Variants in PCBP3 observed in about 807,000 individuals in gnomAD.
PCBP3 encodes the protein poly(rC)-binding protein 3.
PCBP3 carries 25 observed loss-of-function variants against 52.7 expected under a neutral mutation model. The ratio of observed to expected loss-of-function variants is 0.47; its 90% CI spans 0.35 to 0.66. The LOEUF (loss-of-function observed/expected upper bound fraction) is 0.66. Ranked by LOEUF, PCBP3 falls within the 30% of genes least tolerant of loss-of-function variation. PCBP3 has a pLI of 0.01. For synonymous variants in PCBP3, 162 were observed against 183.0 expected, an observed-to-expected ratio of 0.89 and a Z score of 0.93; for missense variants, 391 against 490.3, an observed-to-expected ratio of 0.80 and a Z score of 1.91.
chr21:45,826,070 C>A (rs947201759), intron 4 of PCBP3, among the ~76,000 whole-genome samples: 1 of 152,040 alleles, frequency 6.6e-6, no homozygotes, highest in African/African-American at 2.4e-5. Flanking sequence ...ACCAGCATGG[C>A]CAACATGGAG....
At chr21:45,674,057 A>G (rs980462204) in intron 2 of PCBP3, among the ~76,000 whole-genome samples, 7 of 152,180 alleles carry the variant, frequency 4.6e-5, no homozygotes, top group African/African-American at 1.7e-4. Context: ...GGAATTTTGA[A>G]GATAATGAGA....
At chr21:45,923,838 G>T (rs1213488743) in intron 13 of PCBP3, among the ~76,000 whole-genome samples, 2 of 146,328 alleles carry the variant, frequency 1.4e-5, no homozygotes, top group Non-Finnish European at 3.0e-5. Flanking sequence ...TGCGAACACC[G>T]GGAACAGTCG....
chr21:45,717,868 T>C (rs2084332999), intron 2 of PCBP3, among the ~76,000 whole-genome samples: 1 of 152,222 alleles, frequency 6.6e-6, no homozygotes, highest in African/African-American at 2.4e-5. Context: ...AGTATCCTTT[T>C]CTTGTCTGTA....
intron 17 of PCBP3, 47 bp downstream of exon 17, chr21:45,940,246 G>T: frequency 6.5e-7 from 1 of 1,542,866 alleles, no homozygotes; most frequent in Non-Finnish European, 8.8e-7. Context: ...AAAGGGACGC[G>T]CCAGCCGGCG....
At chr21:45,662,880 C>G (rs778745498) in intron 1 of PCBP3, among the ~76,000 whole-genome samples, 6 of 152,008 alleles carry the variant, frequency 3.9e-5, no homozygotes, top group African/African-American at 1.4e-4. Context: ...GAAAAGCACC[C>G]GCTACTTAGC....
intron 13 of PCBP3, among the ~76,000 whole-genome samples, chr21:45,925,434 C>G (rs1439323177): frequency 1.3e-5 from 2 of 152,164 alleles, no homozygotes; most frequent in Non-Finnish European, 2.9e-5. Flanking sequence ...AATTAGAAAA[C>G]AAGTGTCAAA....
At chr21:45,685,782 G>T (rs1463117762) in intron 2 of PCBP3, among the ~76,000 whole-genome samples, 4 of 152,052 alleles carry the variant, frequency 2.6e-5, no homozygotes, top group Admixed American at 2.6e-4. Flanking sequence ...AGTAAAATCA[G>T]CCCCAAAAAT....
rs2095150204 is a variant in PCBP3, at chr21:45,874,090, A to G, written c.11-22118A>G. Among the ~76,000 whole-genome samples, 3 of 152,210 alleles carry G rather than the reference A, an allele frequency of 2.0e-5. No homozygotes were observed. In the South Asian group the frequency reaches 6.2e-4, roughly 32 times the overall value. ...TGATCCACCCGCCTCAGCCTCCCTA[A>G]GTGCTGGGATCACAGGCGTGAGCCA... On this transcript the variant is annotated intron_variant, in intron 5 of 17. Coordinates refer to ENST00000681687, the MANE Select transcript of PCBP3 (RefSeq NM_001384156.1).
intron 2 of PCBP3, among the ~76,000 whole-genome samples, chr21:45,693,691 C>G (rs1693238527): frequency 6.6e-6 from 1 of 152,070 alleles, no homozygotes; most frequent in South Asian, 2.1e-4. Flanking sequence ...ATTCTATACT[C>G]AGTGAAAATA....
At chr21:45,916,368 G>A (rs933969320) in intron 12 of PCBP3, 1 of 152,242 alleles carries the variant, frequency 6.6e-6, no homozygotes, top group Non-Finnish European at 1.5e-5. Flanking sequence ...TGAGGTCCTT[G>A]GTTCCTGCTC....
intron 13 of PCBP3, among the ~76,000 whole-genome samples, chr21:45,919,967 G>A (rs2074200286): frequency 6.6e-6 from 1 of 152,188 alleles, no homozygotes; most frequent in Admixed American, 6.5e-5. Flanking sequence ...GCGACTTTCT[G>A]GGGTGGCCCA....
chr21:45,660,036 C>CG (rs1280283531), intron 1 of PCBP3, among the ~76,000 whole-genome samples: 3 of 151,966 alleles, frequency 2.0e-5, no homozygotes, highest in Non-Finnish European at 1.5e-5. Flanking sequence ...GTATTGAAAA[C>CG]GGACTTTTGA....
chr21:45,753,158 A>G (rs904037639), intron 3 of PCBP3, among the ~76,000 whole-genome samples: 3 of 122,722 alleles, frequency 2.4e-5, no homozygotes, highest in Non-Finnish European at 5.1e-5. Context: ...AAAAAAAAAG[A>G]TGTTTCTCCA....
intron 5 of PCBP3, among the ~76,000 whole-genome samples, chr21:45,861,141 C>T (rs2094496442): frequency 6.6e-6 from 1 of 152,210 alleles, no homozygotes; most frequent in Non-Finnish European, 1.5e-5. Context: ...GGTGTGCAGC[C>T]GCCTCCATGC....
chr21:45,702,518 CTCTAG>C, intron 2 of PCBP3, among the ~76,000 whole-genome samples: 1 of 152,278 alleles, frequency 6.6e-6, no homozygotes, highest in South Asian at 2.1e-4. Context: ...TATGTTTACA[CTCTAG>C]TCTATTGTGT....
chr21:45,751,871 C>T (rs1480947014), intron 3 of PCBP3, among the ~76,000 whole-genome samples: 1 of 152,222 alleles, frequency 6.6e-6, no homozygotes, highest in Non-Finnish European at 1.5e-5. Context: ...ATTTGCATTT[C>T]TCTTCTTGTG....
chr21:45,711,693 T>G (rs376498330), intron 2 of PCBP3, among the ~76,000 whole-genome samples: 7 of 152,206 alleles, frequency 4.6e-5, no homozygotes, highest in African/African-American at 1.7e-4. Context: ...TCCAACCCCT[T>G]TGTTAAGGTT....
In PCBP3 at chr21:45,827,649, C is replaced by T. The variant is rs2093342829; in HGVS notation, c.-125-22312C>T. Among the ~76,000 whole-genome samples, 1 of 152,232 alleles carries T rather than the reference C, an allele frequency of 6.6e-6. No homozygotes were observed. Among genetic ancestry groups the T allele is most frequent in the Non-Finnish European group, 1.5e-5 (1 of 68,046 alleles). On this transcript the variant is annotated intron_variant, in intron 4 of 17. Transcript: ENST00000681687. This position sits in a 1 kb window ranked among gnomAD's most constrained non-coding sequence, Gnocchi z 4.3. Reference sequence around the variant, plus strand: ...AGAATTTAGAAATTCACATTGTACACTGTGATGTATGCAGTTTTATGTACA... The same window carrying T: ...AGAATTTAGAAATTCACATTGTACATTGTGATGTATGCAGTTTTATGTACA...
intron 2 of PCBP3, among the ~76,000 whole-genome samples, chr21:45,687,855 C>G (rs899022237): frequency 6.6e-6 from 1 of 151,924 alleles, no homozygotes; most frequent in Non-Finnish European, 1.5e-5. Flanking sequence ...CTCAGCCTCC[C>G]GAGTAGCTGG....
Sources: allele counts gnomAD v4.1 joint callset (sites outside exome capture counted in the v4.1 genomes callset), GRCh38; gene constraint gnomAD v4.1.1; non-coding constraint Gnocchi (gnomAD v3.1); transcripts MANE v1.5; gene names NCBI Gene and HGNC (gene_info 2026-07-23, HGNC 2026-07-21).